PDE1B: variants seen among roughly 807,000 people sequenced by gnomAD.
PDE1B encodes phosphodiesterase 1B.
A neutral mutation model predicts 66.7 loss-of-function variants in PDE1B; 13 were observed. The ratio of observed to expected loss-of-function variants is 0.19; its 90% CI spans 0.13 to 0.31. The LOEUF (loss-of-function observed/expected upper bound fraction) is 0.31, where lower values mean the gene tolerates loss of function less well. Ranked by LOEUF, PDE1B falls within the 10% of genes least tolerant of loss-of-function variation. PDE1B has a pLI of 1.00. For missense variants in PDE1B, 485 were observed against 682.3 expected (o/e 0.71, Z 3.22); for synonymous variants, 230 against 253.9 (o/e 0.91, Z 0.90).
At chr12:54,574,844 G>A (rs965310174) in intron 10 of PDE1B, 2 of 274,940 alleles carry the variant, frequency 7.3e-6, no homozygotes, top group Non-Finnish European at 6.9e-6. Context: ...GTGGTGGCAT[G>A]CACGCCTGTA....
At chr12:54,553,056 A>G (rs1459756903) in intron 2 of PDE1B, among the ~76,000 whole-genome samples, 2 of 152,236 alleles carry the variant, frequency 1.3e-5, no homozygotes, top group Non-Finnish European at 2.9e-5. Flanking sequence ...CTGAGAATAC[A>G]GTCGGTGGTG....
intron 2 of PDE1B, among the ~76,000 whole-genome samples, chr12:54,556,848 G>A (rs1367253026): frequency 6.8e-6 from 1 of 146,838 alleles, no homozygotes; most frequent in African/African-American, 2.5e-5. Flanking sequence ...TTTAGGTTGG[G>A]AAGGGAACTT....
chr12:54,579,138 C>T lies in PDE1B; in HGVS notation c.*1296C>T, dbSNP rs1957822025. On this transcript the variant is annotated 3_prime_UTR_variant, in exon 16 of 16. Coordinates refer to ENST00000243052, the MANE Select transcript of PDE1B (RefSeq NM_000924.4). Reference sequence around the variant, plus strand: ...GACCTGCTACCCTGGTACTTCCACCCTACCCCACCCCGAGAAGGGCAGAGA... The same window carrying T: ...GACCTGCTACCCTGGTACTTCCACCTTACCCCACCCCGAGAAGGGCAGAGA... 2 of 531,860 alleles carry T rather than the reference C, an allele frequency of 3.8e-6. No individual in the cohort carries two copies. Among genetic ancestry groups the T allele is most frequent in the Non-Finnish European group, 4.8e-6 (2 of 415,982 alleles). The allele number at this position is 531,860 out of a possible 1,614,324, so 32.9% of individuals were successfully genotyped here. A position where few individuals can be genotyped will look rare whatever the true frequency, so the allele number is the denominator to read the frequency against.
chr12:54,568,251 C>T (rs1478052776), intron 3 of PDE1B, among the ~76,000 whole-genome samples: 1 of 151,548 alleles, frequency 6.6e-6, no homozygotes, highest in Non-Finnish European at 1.5e-5. Context: ...ATTGCTTGAG[C>T]CCAGGAATTC....
chr12:54,577,657 C>A, intron 15 of PDE1B: 1 of 1,104,588 alleles, frequency 9.1e-7, no homozygotes, highest in South Asian at 1.9e-5. Context: ...AGGAGCCCAG[C>A]CAGGGCACAC....
chr12:54,576,548 G>A (rs1398101589), intron 13 of PDE1B, 23 bp from the exon 14 acceptor site: 2 of 1,613,936 alleles, frequency 1.2e-6, no homozygotes, highest in Middle Eastern at 1.7e-4. Flanking sequence ...ACCTCTTGCG[G>A]CTTTTGGGGG....
At chr12:54,561,306 T>G (rs958588194) in intron 2 of PDE1B, 4 of 332,516 alleles carry the variant, frequency 1.2e-5, no homozygotes, top group East Asian at 1.2e-4. Context: ...TTTCTGGGCT[T>G]CTTCTGAGAA....
At chr12:54,566,446 C>G (rs1565697946) in intron 2 of PDE1B, among the ~76,000 whole-genome samples, 1 of 152,228 alleles carries the variant, frequency 6.6e-6, no homozygotes, top group Non-Finnish European at 1.5e-5. Flanking sequence ...TTTTGCCATG[C>G]CTGCCAGGCA....
At chr12:54,554,107 T>C (rs1186402425) in intron 2 of PDE1B, 1 of 152,252 alleles carries the variant, frequency 6.6e-6, no homozygotes, top group African/African-American at 2.4e-5. Context: ...TATGTATTTG[T>C]GACACTGAGA....
chr12:54,577,441 C>T, intron 15 of PDE1B, 96 bp downstream of exon 15: 1 of 1,607,070 alleles, frequency 6.2e-7, no homozygotes, highest in Non-Finnish European at 8.5e-7. Context: ...GACATTCTCT[C>T]TCCCCTTTTG....
chr12:54,566,835 A>G, intron 2 of PDE1B, 139 bp from the exon 3 acceptor site: 2 of 462,416 alleles, frequency 4.3e-6, no homozygotes, highest in South Asian at 3.2e-5. Flanking sequence ...ATTAGCTGCT[A>G]TTATTATTAA....
chr12:54,577,206 C>G lies in PDE1B; in HGVS notation c.1508-19C>G, dbSNP rs879461875. On this transcript the variant is annotated intron_variant, in intron 14 of 15. Transcript: ENST00000243052. Reference sequence around the variant, plus strand: ...ATACTTCTTGGCCTAAGCTCAGCCTCCTTTATGCTCCTCTACAGGCATCAC... The same window carrying G: ...ATACTTCTTGGCCTAAGCTCAGCCTGCTTTATGCTCCTCTACAGGCATCAC... The G allele has an allele frequency of 3.1e-6, 5 of 1,603,842 alleles. No homozygotes were observed. The highest frequency in any genetic ancestry group is 4.3e-6 in the Non-Finnish European group (5 of 1,171,514).
intron 13 of PDE1B, 121 bp from the exon 14 acceptor site, chr12:54,576,449 AG>A: frequency 8.7e-7 from 1 of 1,143,118 alleles, no homozygotes; most frequent in Non-Finnish European, 1.3e-6. Flanking sequence ...GTAGAGGAAA[AG>A]AGGAAGATGA....
intron 2 of PDE1B, 73 bp downstream of exon 2, chr12:54,550,058 G>A: frequency 1.3e-6 from 2 of 1,553,930 alleles, no homozygotes; most frequent in Non-Finnish European, 8.7e-7. Context: ...GGGGATAACT[G>A]GAGCAGGGCT....
rs1957819586 is a variant in PDE1B, at chr12:54,579,033, C to G, written c.*1191C>G. The G allele has an allele frequency of 6.3e-6, 1 of 157,680 alleles. No individual in the cohort carries two copies. Among genetic ancestry groups the G allele is most frequent in the Non-Finnish European group, 1.4e-5 (1 of 73,118 alleles). 9.8% of individuals were successfully genotyped at this position (157,680 alleles called of 1,614,324 possible). ...AAAGGCCAAAGTCCAGGTGACTGCCCTCCTTCTTTCTTGTAAATACCAACC... is the reference window on the plus strand; with the variant it reads ...AAAGGCCAAAGTCCAGGTGACTGCCGTCCTTCTTTCTTGTAAATACCAACC... On this transcript the variant is annotated 3_prime_UTR_variant, in exon 16 of 16. Transcript: ENST00000243052.
In PDE1B at chr12:54,550,000, C is replaced by G. The variant is rs563103330; in HGVS notation, c.113+15C>G. ...CTTCGGTCTCTGTAAGTCCCCGGCC[C>G]GGGAATGGGGGGAAGGGACCTTAGG... On this transcript the variant is annotated intron_variant, in intron 2 of 15. Coordinates refer to ENST00000243052, the MANE Select transcript of PDE1B (RefSeq NM_000924.4). The G allele has an allele frequency of 2.3e-5, 37 of 1,611,340 alleles. No individual in the cohort carries two copies. The highest frequency in any genetic ancestry group is 3.3e-4 in the Middle Eastern group (2 of 6,054).
intron 2 of PDE1B, chr12:54,554,236 T>C (rs11170969): frequency 0.095 from 14,447 of 152,254 alleles, 934 homozygotes; most frequent in East Asian, 0.28. Flanking sequence ...AGTGATCTTC[T>C]ATGGTTCTTA....
intron 2 of PDE1B, chr12:54,561,681 A>C (rs763837601): frequency 2.1e-6 from 3 of 1,402,100 alleles, no homozygotes; most frequent in Middle Eastern, 1.8e-4. Flanking sequence ...GAGGGAAAGG[A>C]CAGGTTGCTC....
At chr12:54,576,733 A>G (rs909930374) in intron 14 of PDE1B, 32 bp downstream of exon 14, 1 of 1,576,200 alleles carries the variant, frequency 6.3e-7, no homozygotes, top group Middle Eastern at 1.7e-4. Context: ...AGGGGTGAGA[A>G]CTTGTGTGGG....
Sources: allele counts gnomAD v4.1 joint callset (sites outside exome capture counted in the v4.1 genomes callset), GRCh38; gene constraint gnomAD v4.1.1; transcripts MANE v1.5; gene names NCBI Gene and HGNC (gene_info 2026-07-23, HGNC 2026-07-21).